FCHSD2: variants seen among roughly 807,000 people sequenced by gnomAD.
FCHSD2 encodes F-BAR and double SH3 domains protein 2.
A neutral mutation model predicts 108.1 loss-of-function variants in FCHSD2; 38 were observed. That is an observed-to-expected ratio of 0.35 (90% CI 0.27 to 0.46). FCHSD2 has a LOEUF of 0.46. Ranked by LOEUF, FCHSD2 falls within the 20% of genes least tolerant of loss-of-function variation. FCHSD2 has a pLI of 1.00. For missense variants in FCHSD2, 751 were observed against 897.8 expected, an observed-to-expected ratio of 0.84 and a Z score of 2.09; for synonymous variants, 279 against 314.7, an observed-to-expected ratio of 0.89 and a Z score of 1.20.
chr11:72,971,150 T>C (rs1003217425), intron 8 of FCHSD2, among the ~76,000 whole-genome samples: 14 of 152,072 alleles, frequency 9.2e-5, no homozygotes, highest in Admixed American at 9.2e-4. Context: ...TCATGCAGAG[T>C]AACACTATAA....
intron 3 of FCHSD2, among the ~76,000 whole-genome samples, chr11:73,059,961 A>ATG (rs1591521742): frequency 6.6e-6 from 1 of 152,250 alleles, no homozygotes; most frequent in East Asian, 1.9e-4. Flanking sequence ...CATGGTCATC[A>ATG]GTACATTCTC....
At chr11:72,985,680 G>C (rs1483488691) in intron 6 of FCHSD2, among the ~76,000 whole-genome samples, 1 of 25,378 alleles carries the variant, frequency 3.9e-5, no homozygotes, top group Non-Finnish European at 7.1e-5. Flanking sequence ...AACTTACTGA[G>C]AAAGTCCTGG....
At chr11:73,017,026 A>G (rs1455398361) in intron 3 of FCHSD2, among the ~76,000 whole-genome samples, 1 of 152,160 alleles carries the variant, frequency 6.6e-6, no homozygotes, top group Admixed American at 6.5e-5. Context: ...TCCAATGCCC[A>G]GGCTGGAGTG....
chr11:72,861,931 C>CAAAAAAAAAAAAAAAAAGAAAAAA (rs1861586476), intron 13 of FCHSD2, among the ~76,000 whole-genome samples: 1 of 109,580 alleles, frequency 9.1e-6, no homozygotes. Context: ...AACGCCGTCT[C>CAAAAAAAAAAAAAAAAAGAAAAAA]AAAAAAAAAA....
In FCHSD2 at chr11:72,988,994, G is replaced by T. The variant is rs1395770621; in HGVS notation, c.491C>A (p.Ala164Glu). 6.2e-7 allele frequency: 1 copy of T among 1,611,850 alleles called. No individual in the cohort carries two copies. The highest frequency in any genetic ancestry group is 1.1e-5 in the South Asian group (1 of 90,840). ...KYFETEQMAH[A>E]VREKADIEAK... is the part of the protein sequence containing the mutation. ...CTCGATGTCAGCTTTCTCTCGTACTGCATGAGCCATCTGTTCAGTCTCAAA... is the reference window on the plus strand; with the variant it reads ...CTCGATGTCAGCTTTCTCTCGTACTTCATGAGCCATCTGTTCAGTCTCAAA... Residue 164 changes from alanine (A) to glutamate (E), a missense_variant, in exon 6 of 20, where the codon GCA becomes GAA. Coordinates refer to ENST00000409418, the MANE Select transcript of FCHSD2 (RefSeq NM_014824.3).
intron 3 of FCHSD2, among the ~76,000 whole-genome samples, chr11:73,069,673 T>C (rs1291934047): frequency 6.6e-6 from 1 of 151,816 alleles, no homozygotes; most frequent in Non-Finnish European, 1.5e-5. Context: ...ATTAAGAGGA[T>C]CCAAGATACA....
At position 72,983,792 on chromosome 11, in the gene FCHSD2, T is replaced by C. The variant is rs115967958; in HGVS notation, c.705+296A>G. 1,105 of 492,782 alleles carry C rather than the reference T, an allele frequency of 2.2e-3. 12 individuals carry two copies. The highest frequency in any genetic ancestry group is 0.019 in the African/African-American group (979 of 51,650). The allele number at this position is 492,782 out of a possible 1,614,324, so 30.5% of individuals were successfully genotyped here. On this transcript the variant is annotated intron_variant, in intron 8 of 19. Coordinates refer to ENST00000409418, the MANE Select transcript of FCHSD2 (RefSeq NM_014824.3). Reference sequence around the variant, plus strand: ...TCCCAGTTTGAGTCATTATTTTATTTCTTACATCACTCTTGTATCTTCTAC... The same window carrying C: ...TCCCAGTTTGAGTCATTATTTTATTCCTTACATCACTCTTGTATCTTCTAC...
chr11:72,900,453 G>C (rs924536190), intron 10 of FCHSD2: 2 of 639,826 alleles, frequency 3.1e-6, no homozygotes, highest in Non-Finnish European at 5.5e-6. Flanking sequence ...TAGGGCTGCA[G>C]TTGGGCTGGG....
At chr11:72,908,936 G>C (rs1364542599) in intron 9 of FCHSD2, among the ~76,000 whole-genome samples, 1 of 152,030 alleles carries the variant, frequency 6.6e-6, no homozygotes, top group Admixed American at 6.5e-5. Flanking sequence ...TTACAGGTGT[G>C]AGCCATTGCA....
At chr11:73,063,026 G>C (rs1486502336) in intron 3 of FCHSD2, among the ~76,000 whole-genome samples, 2 of 152,136 alleles carry the variant, frequency 1.3e-5, no homozygotes, top group African/African-American at 4.8e-5. Flanking sequence ...AAATGTTAAG[G>C]GTAGCCAGAG....
intron 2 of FCHSD2, among the ~76,000 whole-genome samples, chr11:73,114,975 C>T (rs1486622400): frequency 6.6e-6 from 1 of 152,090 alleles, no homozygotes; most frequent in Non-Finnish European, 1.5e-5. Context: ...GGCTCTGAGC[C>T]CAGCTCAGCA....
intron 10 of FCHSD2, among the ~76,000 whole-genome samples, chr11:72,892,430 T>C (rs1855332099): frequency 1.3e-5 from 2 of 152,204 alleles, no homozygotes; most frequent in African/African-American, 4.8e-5. Context: ...AGCCATGGAA[T>C]ACATGTGGAA....
intron 13 of FCHSD2, among the ~76,000 whole-genome samples, chr11:72,866,166 T>A (rs755203104): frequency 6.6e-5 from 10 of 152,202 alleles, no homozygotes; most frequent in Non-Finnish European, 1.3e-4. Context: ...CATCAAAAAC[T>A]CTACAACAGT....
intron 2 of FCHSD2, among the ~76,000 whole-genome samples, chr11:73,111,178 C>T (rs766457490): frequency 1.2e-4 from 19 of 152,114 alleles, no homozygotes; most frequent in Non-Finnish European, 2.1e-4. Flanking sequence ...CTGTAACTAC[C>T]AGGTCCATTC....
chr11:72,839,750 T>G (rs1235695679), intron 19 of FCHSD2, among the ~76,000 whole-genome samples: 1 of 152,104 alleles, frequency 6.6e-6, no homozygotes, highest in Non-Finnish European at 1.5e-5. Flanking sequence ...TAAACTGAGA[T>G]ATCCACACAT....
chr11:73,084,660 T>C (rs1300817641), intron 2 of FCHSD2, among the ~76,000 whole-genome samples: 4 of 152,250 alleles, frequency 2.6e-5, no homozygotes, highest in Non-Finnish European at 2.9e-5. Context: ...TCCCAAAGCA[T>C]TGGGATTACT....
At chr11:73,008,549 A>C (rs1439689493) in intron 4 of FCHSD2, among the ~76,000 whole-genome samples, 3 of 152,224 alleles carry the variant, frequency 2.0e-5, no homozygotes, top group African/African-American at 7.2e-5. Context: ...ACTGAAACAC[A>C]ACTGCAACTG....
At chr11:72,887,928 TACATAAG>T (rs1855232824) in intron 11 of FCHSD2, among the ~76,000 whole-genome samples, 1 of 152,190 alleles carries the variant, frequency 6.6e-6, no homozygotes, top group African/African-American at 2.4e-5. Context: ...TAAGCAACAT[TACATAAG>T]TGGAACACTG....
intron 2 of FCHSD2, among the ~76,000 whole-genome samples, chr11:73,100,562 C>A (rs1414767098): frequency 6.6e-6 from 1 of 152,112 alleles, no homozygotes; most frequent in African/African-American, 2.4e-5. Flanking sequence ...GGGGTTTCTC[C>A]ATGTTGGTCA....
Sources: allele counts gnomAD v4.1 joint callset (sites outside exome capture counted in the v4.1 genomes callset), GRCh38; gene constraint gnomAD v4.1.1; transcripts MANE v1.5; gene names NCBI Gene and HGNC (gene_info 2026-07-23, HGNC 2026-07-21).